RBFOX3: variants seen among roughly 807,000 people sequenced by gnomAD.
RBFOX3 encodes RNA binding fox-1 homolog 3, also known as RNA binding protein fox-1 homolog 3.
Under a neutral mutation model 48.7 loss-of-function variants are expected in RBFOX3, and 17 were observed. That is an observed-to-expected ratio of 0.35 (90% CI 0.24 to 0.52). RBFOX3 has a LOEUF of 0.52. Ranked by LOEUF, RBFOX3 falls within the 20% of genes least tolerant of loss-of-function variation. RBFOX3 has a pLI of 0.94. For synonymous variants in RBFOX3, 212 were observed against 209.5 expected, an observed-to-expected ratio of 1.01 and a Z score of -0.10; for missense variants, 382 against 497.5, an observed-to-expected ratio of 0.77 and a Z score of 2.21.
chr17:79,391,833 C>T lies in RBFOX3; in HGVS notation c.-174-84009G>A, dbSNP rs1359484731. Among the ~76,000 whole-genome samples the T allele has an allele frequency of 6.6e-6, 1 of 152,064 alleles. No homozygotes were observed. Among genetic ancestry groups the T allele is most frequent in the African/African-American group, 2.4e-5 (1 of 41,404 alleles). ...ATGTGTTTGGGGGACAGCACACCCC[C>T]GCTCTGATCCTCGGTTTCCGAATCT... On this transcript the variant is annotated intron_variant, in intron 2 of 14. Transcript: ENST00000693108. This position sits in a 1 kb window ranked among gnomAD's most constrained non-coding sequence, Gnocchi z 5.0.
At chr17:79,595,927 C>T (rs1474844052) in intron 1 of RBFOX3, among the ~76,000 whole-genome samples, 4 of 152,210 alleles carry the variant, frequency 2.6e-5, no homozygotes, top group South Asian at 2.1e-4. Flanking sequence ...TCAATAATCA[C>T]GAGCGTACTC....
At chr17:79,280,273 T>A (rs2070063430) in intron 3 of RBFOX3, among the ~76,000 whole-genome samples, 1 of 150,782 alleles carries the variant, frequency 6.6e-6, no homozygotes, top group African/African-American at 2.4e-5. Flanking sequence ...TCCACACACA[T>A]GCATATACGC....
At chr17:79,496,459 TA>T (rs1381995692) in intron 1 of RBFOX3, among the ~76,000 whole-genome samples, 1 of 152,132 alleles carries the variant, frequency 6.6e-6, no homozygotes, top group African/African-American at 2.4e-5. Flanking sequence ...TAACACGCTT[TA>T]AAAAATACAC....
intron 4 of RBFOX3, among the ~76,000 whole-genome samples, chr17:79,135,485 T>C (rs1338165710): frequency 1.3e-5 from 2 of 152,130 alleles, no homozygotes; most frequent in African/African-American, 4.8e-5. Context: ...CCTGAGCCCC[T>C]TACAGGATGC....
At chr17:79,507,756 G>A (rs1174174735) in intron 1 of RBFOX3, among the ~76,000 whole-genome samples, 3 of 152,132 alleles carry the variant, frequency 2.0e-5, no homozygotes, top group Non-Finnish European at 2.9e-5. Context: ...CTTCTCTAAT[G>A]ACCACCCCAA....
At chr17:79,388,017 C>T (rs1400593759) in intron 2 of RBFOX3, among the ~76,000 whole-genome samples, 1 of 149,054 alleles carries the variant, frequency 6.7e-6, no homozygotes, top group African/African-American at 2.5e-5. Flanking sequence ...TGTGTGTGTG[C>T]ATGCAAGTGG....
At chr17:79,425,265 T>C (rs117435576) in intron 2 of RBFOX3, among the ~76,000 whole-genome samples, 1,795 of 152,258 alleles carry the variant, frequency 0.012, 16 homozygotes, top group Non-Finnish European at 0.019. Context: ...CTGGTTCTCA[T>C]CCCTGAGGCC....
chr17:79,183,034 A>G (rs1324463600), intron 4 of RBFOX3, among the ~76,000 whole-genome samples: 1 of 148,498 alleles, frequency 6.7e-6, no homozygotes, highest in Non-Finnish European at 1.5e-5. Flanking sequence ...GACGCCCCAA[A>G]CTCCGGCCCC....
chr17:79,494,139 A>G (rs2081098974), intron 1 of RBFOX3, among the ~76,000 whole-genome samples: 1 of 152,200 alleles, frequency 6.6e-6, no homozygotes, highest in Non-Finnish European at 1.5e-5. Flanking sequence ...AATTAAAATG[A>G]GGGCTTCTTT....
chr17:79,094,337 G>A (rs904694576), intron 14 of RBFOX3, 114 bp downstream of exon 14: 66 of 708,994 alleles, frequency 9.3e-5, no homozygotes, highest in Non-Finnish European at 1.4e-4. Context: ...TCCTTCCAAA[G>A]TCTCCGGGAC....
At chr17:79,569,362 C>T (rs2092583674) in intron 1 of RBFOX3, among the ~76,000 whole-genome samples, 30 of 152,200 alleles carry the variant, frequency 2.0e-4, no homozygotes. Context: ...GCTTCTTTCA[C>T]TCAGCACATC....
chr17:79,517,167 C>T (rs1226174706), intron 1 of RBFOX3, among the ~76,000 whole-genome samples: 4 of 152,108 alleles, frequency 2.6e-5, no homozygotes, highest in Admixed American at 6.5e-5. Context: ...AAAGGAGGGC[C>T]GGGCGCAGTG....
intron 4 of RBFOX3, among the ~76,000 whole-genome samples, chr17:79,118,943 T>C (rs2034897355): frequency 7.0e-6 from 1 of 142,914 alleles, no homozygotes; most frequent in Admixed American, 7.3e-5. Context: ...ACCACTGTGG[T>C]CCAGCCAGGG....
the RBFOX3 span, among the ~76,000 whole-genome samples, chr17:79,647,432 T>C: frequency 6.6e-6 from 1 of 152,148 alleles, no homozygotes; most frequent in Non-Finnish European, 1.5e-5. Flanking sequence ...GCCACTCATG[T>C]CAGCAATGCC....
In RBFOX3 at chr17:79,243,686, C is replaced by A. The variant is rs1302374320; in HGVS notation, c.-73-7881G>T. 1.3e-5 allele frequency among the ~76,000 whole-genome samples: 2 copies of A among 152,190 alleles called. No homozygotes were observed. The highest frequency in any genetic ancestry group is 4.8e-5 in the African/African-American group (2 of 41,524). On this transcript the variant is annotated intron_variant, in intron 3 of 14. Coordinates refer to ENST00000693108, the MANE Select transcript of RBFOX3 (RefSeq NM_001350451.2). The surrounding 1 kb of genome is among the most constrained non-coding windows in gnomAD (Gnocchi z 7.9). ...AACTCACTGGCCCACCCCTGAGCAC[C>A]CTTGACAACACCCAAGCTGTGCCAC... is the stretch of plus-strand genomic sequence containing the variant.
At chr17:79,097,663 T>TACCCAACCCCCCCCCC in intron 10 of RBFOX3, 29 bp downstream of exon 10, 5 of 1,384,064 alleles carry the variant, frequency 3.6e-6, no homozygotes, top group African/African-American at 1.6e-5. Context: ...GCTGGTCTCA[T>TACCCAACCCCCCCCCC]CCCATCCCCG....
chr17:79,251,585 G>A (rs1276123499), intron 3 of RBFOX3, among the ~76,000 whole-genome samples: 3 of 152,036 alleles, frequency 2.0e-5, no homozygotes, highest in Non-Finnish European at 4.4e-5. Context: ...TGTGACCTCC[G>A]CTACCCACAA....
intron 4 of RBFOX3, among the ~76,000 whole-genome samples, chr17:79,160,108 C>T (rs1000503188): frequency 1.3e-5 from 2 of 152,386 alleles, no homozygotes; most frequent in East Asian, 1.9e-4. Context: ...TGCCTAGCTC[C>T]GGCCCCGGGG....
intron 4 of RBFOX3, among the ~76,000 whole-genome samples, chr17:79,159,817 C>T (rs1474553843): frequency 1.3e-5 from 2 of 152,258 alleles, no homozygotes; most frequent in African/African-American, 4.8e-5. Flanking sequence ...TCACACCCTA[C>T]AGCTGCTGAG....
Sources: gnomAD v4.1 joint callset for allele counts (sites outside exome capture counted in the v4.1 genomes callset) on GRCh38, gnomAD v4.1.1 for gene constraint, Gnocchi (gnomAD v3.1) non-coding constraint, MANE v1.5 for transcripts, NCBI Gene and HGNC (gene_info 2026-07-23, HGNC 2026-07-21) for gene names.